The following GRID2 variants were observed in gnomAD, a reference collection of about 807,000 sequenced individuals.
GRID2 encodes the protein glutamate receptor ionotropic, delta-2.
A neutral mutation model predicts 114.8 loss-of-function variants in GRID2; 33 were observed. The observed-to-expected ratio is 0.29, with a 90% CI of 0.22 to 0.38. The LOEUF (loss-of-function observed/expected upper bound fraction) is 0.38, where lower values mean the gene tolerates loss of function less well. GRID2 is among the 10% of genes least tolerant of loss of function. GRID2 has a pLI of 1.00. For missense variants in GRID2, 1,184 were observed against 1,257.7 expected, an observed-to-expected ratio of 0.94 and a Z score of 0.89; for synonymous variants, 505 against 449.9, an observed-to-expected ratio of 1.12 and a Z score of -1.55.
intron 11 of GRID2, among the ~76,000 whole-genome samples, chr4:93,490,400 A>G (rs1726870853): frequency 6.6e-6 from 1 of 151,842 alleles, no homozygotes; most frequent in Non-Finnish European, 1.5e-5. Context: ...AGGAAGGGGG[A>G]AGAACTATCA....
intron 2 of GRID2, among the ~76,000 whole-genome samples, chr4:92,947,445 T>A (rs1751720853): frequency 1.3e-5 from 2 of 152,014 alleles, no homozygotes; most frequent in African/African-American, 4.8e-5. Context: ...TTTTCCATTT[T>A]GTATAGTAGT....
chr4:92,551,896 TTC>T (rs1439926825), intron 1 of GRID2, among the ~76,000 whole-genome samples: 1 of 151,912 alleles, frequency 6.6e-6, no homozygotes, highest in Non-Finnish European at 1.5e-5. Flanking sequence ...GAGATAAGGT[TTC>T]TCTCTCTCCA....
intron 2 of GRID2, among the ~76,000 whole-genome samples, chr4:92,933,783 C>A (rs904610621): frequency 6.6e-6 from 1 of 151,576 alleles, no homozygotes; most frequent in Admixed American, 6.6e-5. Flanking sequence ...ATTTTTCTTT[C>A]TTTTCCTTGC....
At chr4:92,992,237 G>A (rs1754950825) in intron 2 of GRID2, among the ~76,000 whole-genome samples, 1 of 152,090 alleles carries the variant, frequency 6.6e-6, no homozygotes, top group African/African-American at 2.4e-5. Context: ...TTATGAGTGG[G>A]TCAAAGGTTA....
intron 14 of GRID2, among the ~76,000 whole-genome samples, chr4:93,681,013 T>C (rs1487980544): frequency 2.6e-5 from 4 of 151,422 alleles, no homozygotes; most frequent in Non-Finnish European, 5.9e-5. Context: ...GATGACATGA[T>C]TGTATATCTA....
In GRID2 at chr4:93,125,224, T is replaced by A. The variant is rs148592656; in HGVS notation, c.735+14271T>A. 9.9e-3 allele frequency among the ~76,000 whole-genome samples: 1,511 copies of A among 152,090 alleles called. 19 individuals are homozygous for A. Among genetic ancestry groups the A allele is most frequent in the South Asian group, 0.04 (193 of 4,806 alleles). Reference sequence around the variant, plus strand: ...TTCATATGTCTTTTTTAGTAAGCTATCTGAGATCCTCCTTATAAAGTTAAA... The same window carrying A: ...TTCATATGTCTTTTTTAGTAAGCTAACTGAGATCCTCCTTATAAAGTTAAA... On this transcript the variant is annotated intron_variant, in intron 4 of 15. Transcript: ENST00000282020.
intron 1 of GRID2, among the ~76,000 whole-genome samples, chr4:92,513,418 A>G (rs1724349986): frequency 6.6e-6 from 1 of 151,810 alleles, no homozygotes; most frequent in East Asian, 1.9e-4. Context: ...TTCCTGGAGT[A>G]TTGCACGTTC....
intron 8 of GRID2, among the ~76,000 whole-genome samples, chr4:93,267,091 T>A (rs751699097): frequency 6.6e-6 from 1 of 152,130 alleles, no homozygotes; most frequent in Non-Finnish European, 1.5e-5. Flanking sequence ...TCCAGTTTCA[T>A]CCATGTTGCT....
At chr4:93,478,777 A>G (rs1725576041) in intron 11 of GRID2, among the ~76,000 whole-genome samples, 1 of 152,080 alleles carries the variant, frequency 6.6e-6, no homozygotes, top group Non-Finnish European at 1.5e-5. Context: ...GAAAGAAGGA[A>G]CTGCTATTTA....
chr4:93,578,587 ATTT>A (rs59397408), intron 13 of GRID2, among the ~76,000 whole-genome samples: 59 of 83,920 alleles, frequency 7.0e-4, no homozygotes, highest in Middle Eastern at 9.3e-3. Flanking sequence ...TGTTTTTTGT[ATTT>A]TTTTTTTTTT....
chr4:92,976,411 A>G (rs1464747575), intron 2 of GRID2, among the ~76,000 whole-genome samples: 2 of 152,140 alleles, frequency 1.3e-5, no homozygotes, highest in African/African-American at 4.8e-5. Flanking sequence ...ATACACATGT[A>G]CATTTATGCA....
chr4:93,566,603 C>T (rs910046647), intron 13 of GRID2, among the ~76,000 whole-genome samples: 1 of 152,012 alleles, frequency 6.6e-6, no homozygotes, highest in African/African-American at 2.4e-5. Context: ...AACCCTGTCT[C>T]TACTAAAAAT....
intron 8 of GRID2, among the ~76,000 whole-genome samples, chr4:93,384,284 G>A (rs1764119745): frequency 6.6e-6 from 1 of 152,114 alleles, no homozygotes; most frequent in South Asian, 2.1e-4. Context: ...CAATATTAGG[G>A]AAGTGGACTC....
chr4:92,773,041 T>C (rs1322630677), intron 2 of GRID2, among the ~76,000 whole-genome samples: 4 of 152,192 alleles, frequency 2.6e-5, no homozygotes, highest in Admixed American at 2.0e-4. Context: ...TTATCTGCCA[T>C]AGGATTTCTT....
At chr4:92,849,975 C>T (rs1241710548) in intron 2 of GRID2, among the ~76,000 whole-genome samples, 1 of 151,392 alleles carries the variant, frequency 6.6e-6, no homozygotes, top group African/African-American at 2.4e-5. Flanking sequence ...CTTGAGAAGA[C>T]AGAATTAATC....
At chr4:93,239,173 T>A (rs202158873) in intron 8 of GRID2, among the ~76,000 whole-genome samples, 2 of 19,184 alleles carry the variant, frequency 1.0e-4, no homozygotes, top group Non-Finnish European at 2.0e-4. Context: ...ATATATATAA[T>A]ATATATATAT....
chr4:92,581,870 T>C (rs1369555215), intron 1 of GRID2, among the ~76,000 whole-genome samples: 1 of 152,116 alleles, frequency 6.6e-6, no homozygotes, highest in African/African-American at 2.4e-5. Flanking sequence ...TTTAAATATC[T>C]GCGTGGAATT....
In GRID2 at chr4:93,110,068, T is replaced by C. The variant is rs1732619901; in HGVS notation, c.530-680T>C. ...AAATGTTACTTAATATTTTCTAAAA[T>C]GCTGAAATATGTTTTGAAAAAATAT... On this transcript the variant is annotated intron_variant, in intron 3 of 15. Coordinates refer to ENST00000282020, the MANE Select transcript of GRID2 (RefSeq NM_001510.4). 1.3e-5 allele frequency among the ~76,000 whole-genome samples: 2 copies of C among 152,192 alleles called. 1 individual carries two copies. Among genetic ancestry groups the C allele is most frequent in the South Asian group, 4.1e-4 (2 of 4,830 alleles).
chr4:92,926,713 C>T (rs1250785218), intron 2 of GRID2, among the ~76,000 whole-genome samples: 2 of 151,890 alleles, frequency 1.3e-5, no homozygotes, highest in Admixed American at 6.6e-5. Context: ...AAGAGAACAT[C>T]TGAGACTGGG....
Sources: gnomAD v4.1 joint callset for allele counts (sites outside exome capture counted in the v4.1 genomes callset) on GRCh38, gnomAD v4.1.1 for gene constraint, MANE v1.5 for transcripts, NCBI Gene and HGNC (gene_info 2026-07-23, HGNC 2026-07-21) for gene names.